The following NR1D2 variants were observed in gnomAD, a reference collection of about 807,000 sequenced individuals.
NR1D2 encodes the protein nuclear receptor subfamily 1 group D member 2.
In NR1D2, 25 loss-of-function variants were observed where a neutral mutation model predicts 52.2. The observed-to-expected ratio is 0.48, with a 90% CI of 0.35 to 0.67. The LOEUF is 0.67. NR1D2 is among the 30% of genes least tolerant of loss of function. The pLI, the probability that NR1D2 is intolerant of heterozygous loss-of-function variation, is 0.01. For missense variants in NR1D2, 681 were observed against 707.2 expected (o/e 0.96, Z 0.42); for synonymous variants, 259 against 230.1 (o/e 1.13, Z -1.14).
intron 1 of NR1D2, among the ~76,000 whole-genome samples, chr3:23,946,947 A>G (rs1705745888): frequency 6.6e-6 from 1 of 152,204 alleles, no homozygotes; most frequent in East Asian, 1.9e-4. Flanking sequence ...TGCCTCGATA[A>G]CAAATGTATT....
chr3:23,959,641 A>G, intron 3 of NR1D2, 30 bp from the exon 4 acceptor site: 2 of 1,597,944 alleles, frequency 1.3e-6, no homozygotes, highest in South Asian at 1.1e-5. Flanking sequence ...GTGTTTTTAA[A>G]TGGGTAAGTA....
intron 3 of NR1D2, among the ~76,000 whole-genome samples, chr3:23,956,903 T>C (rs983298859): frequency 2.0e-5 from 3 of 152,098 alleles, no homozygotes; most frequent in African/African-American, 4.8e-5. Flanking sequence ...TGGCGAGATA[T>C]GATGGGTAAA....
intron 1 of NR1D2, chr3:23,946,171 C>T (rs1402218792): frequency 3.0e-6 from 3 of 985,090 alleles, no homozygotes; most frequent in African/African-American, 3.5e-5. Flanking sequence ...CGCGTGCGCG[C>T]CCGCTGAGCC....
At chr3:23,952,136 T>A (rs1705949295) in intron 1 of NR1D2, among the ~76,000 whole-genome samples, 1 of 152,210 alleles carries the variant, frequency 6.6e-6, no homozygotes, top group Non-Finnish European at 1.5e-5. Flanking sequence ...TGGGTGATAC[T>A]GATGCCCCTA....
At chr3:23,957,123 C>T (rs1342416657) in intron 3 of NR1D2, among the ~76,000 whole-genome samples, 1 of 151,940 alleles carries the variant, frequency 6.6e-6, no homozygotes, top group Admixed American at 6.6e-5. Context: ...GCTGGGATTA[C>T]AGGCACACGC....
chr3:23,959,234 A>G (rs1391658777), intron 3 of NR1D2, among the ~76,000 whole-genome samples: 1 of 151,072 alleles, frequency 6.6e-6, no homozygotes, highest in African/African-American at 2.4e-5. Flanking sequence ...ACTGCACTCT[A>G]GCCTGGGCAA....
Position 23,959,823 on chromosome 3 carries a change from C to T in NR1D2, c.517+8C>T. The T allele has an allele frequency of 1.2e-6, 2 of 1,609,456 alleles. No individual in the cohort carries two copies. The highest frequency in any genetic ancestry group is 1.7e-6 in the Non-Finnish European group (2 of 1,178,068). ...TTGGAATGTCAAGAGATGGTATGTTCCCAGTTTAAAGAGTGTTCCTAAAGT... is the reference window on the plus strand; with the variant it reads ...TTGGAATGTCAAGAGATGGTATGTTTCCAGTTTAAAGAGTGTTCCTAAAGT... On this transcript the variant is annotated splice_region_variant and intron_variant, in intron 4 of 7. Transcript: ENST00000312521.
Position 23,959,811 on chromosome 3 carries a change from A to G in NR1D2, c.513A>G (p.Arg171=). ...FKKCLSVGMS[R]DAVRFGRIPK... Reference sequence around the variant, plus strand: ...AGTGTCTGTCTGTTGGAATGTCAAGAGATGGTATGTTCCCAGTTTAAAGAG... The same window carrying G: ...AGTGTCTGTCTGTTGGAATGTCAAGGGATGGTATGTTCCCAGTTTAAAGAG... The change falls in exon 4 of 8, where the codon AGA becomes AGG. Residue 171 remains arginine (R), a synonymous_variant. Transcript: ENST00000312521. 6.2e-7 allele frequency: 1 copy of G among 1,612,392 alleles called. No homozygotes were observed.
At chr3:23,960,916 A>AT (rs1397483627) in intron 4 of NR1D2, among the ~76,000 whole-genome samples, 1 of 152,196 alleles carries the variant, frequency 6.6e-6, no homozygotes, top group South Asian at 2.1e-4. Flanking sequence ...CTCTGTGTAA[A>AT]TACTAGACTG....
chr3:23,971,798 C>G (rs1485974049), intron 7 of NR1D2, among the ~76,000 whole-genome samples: 1 of 152,116 alleles, frequency 6.6e-6, no homozygotes, highest in Non-Finnish European at 1.5e-5. Context: ...CTGTAACATT[C>G]CTTTTATGTA....
intron 6 of NR1D2, among the ~76,000 whole-genome samples, chr3:23,966,480 C>T (rs979673334): frequency 1.3e-5 from 2 of 152,198 alleles, no homozygotes; most frequent in Non-Finnish European, 2.9e-5. Flanking sequence ...CGAAGTGTTG[C>T]TGCATTGGAA....
In NR1D2 at chr3:23,962,461, T is replaced by C; in HGVS notation, c.1002T>C (p.His334=). ...ATATAATGCATTACCCAAATGGTCA[T>C]GCCATTTGTATTGCAAATGGACATT... ...GRNIMHYPNG[H]AICIANGHCM... Residue 334 remains histidine (H), a synonymous_variant, in exon 5 of 8, where the codon CAT becomes CAC. Coordinates refer to ENST00000312521, the MANE Select transcript of NR1D2 (RefSeq NM_005126.5). 1.2e-6 allele frequency: 2 copies of C among 1,614,164 alleles called. No individual in the cohort carries two copies. The highest frequency in any genetic ancestry group is 1.7e-6 in the Non-Finnish European group (2 of 1,179,978).
At chr3:23,958,517 T>C (rs1331016043) in intron 3 of NR1D2, among the ~76,000 whole-genome samples, 1 of 152,004 alleles carries the variant, frequency 6.6e-6, no homozygotes, top group Non-Finnish European at 1.5e-5. Context: ...AGCACATGTC[T>C]GTAGTCCCAG....
chr3:23,976,643 G>A lies in NR1D2; in HGVS notation c.1544-580G>A, dbSNP rs1457902275. ...TTTCTCAGAGTAAGTGAGCAAGAGCGTACCTAAGATGGAGGCCACAGTTTC... is the reference window on the plus strand; with the variant it reads ...TTTCTCAGAGTAAGTGAGCAAGAGCATACCTAAGATGGAGGCCACAGTTTC... On this transcript the variant is annotated intron_variant, in intron 7 of 7. Coordinates refer to ENST00000312521, the MANE Select transcript of NR1D2 (RefSeq NM_005126.5). Among the ~76,000 whole-genome samples the A allele has an allele frequency of 5.3e-5, 8 of 152,324 alleles. No individual in the cohort carries two copies. The East Asian group carries it at 9.6e-4, about 18-fold the overall frequency.
intron 1 of NR1D2, among the ~76,000 whole-genome samples, chr3:23,945,880 C>G (rs964246781): frequency 6.6e-6 from 1 of 150,826 alleles, no homozygotes; most frequent in Non-Finnish European, 1.5e-5. Context: ...TGTTTACGTT[C>G]GGCGGCGCGC....
chr3:23,948,607 C>T (rs1705842406), intron 1 of NR1D2, among the ~76,000 whole-genome samples: 2 of 152,184 alleles, frequency 1.3e-5, no homozygotes, highest in Admixed American at 1.3e-4. Context: ...GCTTCTTACT[C>T]TGTGCCAGGC....
intron 4 of NR1D2, among the ~76,000 whole-genome samples, chr3:23,960,271 G>C (rs1251618940): frequency 1.3e-5 from 2 of 152,120 alleles, no homozygotes; most frequent in Non-Finnish European, 2.9e-5. Context: ...TGAGCGTGGT[G>C]GCATGCACCT....
In NR1D2 at chr3:23,962,476, A is replaced by C. The variant is rs1305539831; in HGVS notation, c.1017A>C (p.Ala339=). The C allele has an allele frequency of 6.2e-7, 1 of 1,614,218 alleles. No individual in the cohort carries two copies. Among genetic ancestry groups the C allele is most frequent in the Non-Finnish European group, 8.5e-7 (1 of 1,180,036 alleles). ...HYPNGHAICI[A]NGHCMNFSNA... ...CAAATGGTCATGCCATTTGTATTGC[A>C]AATGGACATTGTATGAACTTCTCCA... Residue 339 remains alanine, a synonymous_variant, in exon 5 of 8, where the codon GCA becomes GCC. Transcript: ENST00000312521.
chr3:23,956,013 ACTT>A, intron 2 of NR1D2, 21 bp from the exon 3 acceptor site: 1 of 1,563,290 alleles, frequency 6.4e-7, no homozygotes, highest in African/African-American at 1.4e-5. Flanking sequence ...CCTACTTTTT[ACTT>A]CGTGTCCTTT....
Sources: gnomAD v4.1 joint callset for allele counts (sites outside exome capture counted in the v4.1 genomes callset) on GRCh38, gnomAD v4.1.1 for gene constraint, MANE v1.5 for transcripts, NCBI Gene and HGNC (gene_info 2026-07-23, HGNC 2026-07-21) for gene names.